The following CNTN5 variants were observed in gnomAD, a reference collection of about 807,000 sequenced individuals.
The protein encoded by CNTN5 is contactin-5.
In CNTN5, 77 loss-of-function variants were observed where a neutral mutation model predicts 129.1. The observed-to-expected ratio is 0.60, with a 90% CI of 0.50 to 0.72. CNTN5 has a LOEUF of 0.72. Among genes scored for constraint, CNTN5 ranks in the 30% least tolerant of loss-of-function variants. The pLI is 0.00. For synonymous variants in CNTN5, 509 were observed against 465.6 expected, an observed-to-expected ratio of 1.09 and a Z score of -1.20; for missense variants, 1,478 against 1,328.8, an observed-to-expected ratio of 1.11 and a Z score of -1.75.
At chr11:100,333,421 A>AAC (rs1484516414) in intron 21 of CNTN5, among the ~76,000 whole-genome samples, 5 of 150,352 alleles carry the variant, frequency 3.3e-5, no homozygotes, top group Non-Finnish European at 5.9e-5. Flanking sequence ...AAAAAAAAAA[A>AAC]AAAAAAAAAA....
intron 15 of CNTN5, among the ~76,000 whole-genome samples, chr11:100,197,632 A>G (rs1420518582): frequency 1.3e-5 from 2 of 152,002 alleles, no homozygotes; most frequent in Non-Finnish European, 2.9e-5. Context: ...CCAGAGCCAC[A>G]GTCTTAATGG....
intron 3 of CNTN5, among the ~76,000 whole-genome samples, chr11:99,620,516 TTTTTTTC>T (rs1450360397): frequency 3.6e-5 from 5 of 137,836 alleles, no homozygotes; most frequent in Middle Eastern, 3.7e-3. Flanking sequence ...TTCTTTTTTT[TTTTTTTC>T]TTTTTGCTCT....
intron 2 of CNTN5, among the ~76,000 whole-genome samples, chr11:99,339,366 CG>C (rs1866403675): frequency 6.6e-6 from 1 of 151,888 alleles, no homozygotes; most frequent in African/African-American, 2.4e-5. Flanking sequence ...TTTTTGCTTT[CG>C]TTTTTCTGGG....
chr11:99,527,735 A>T (rs1361585271), intron 2 of CNTN5, among the ~76,000 whole-genome samples: 1 of 152,226 alleles, frequency 6.6e-6, no homozygotes, highest in African/African-American at 2.4e-5. Flanking sequence ...TCACTAACAG[A>T]ATGACAGTAC....
At chr11:99,285,739 T>C (rs1447159662) in intron 1 of CNTN5, among the ~76,000 whole-genome samples, 1 of 151,814 alleles carries the variant, frequency 6.6e-6, no homozygotes, top group Non-Finnish European at 1.5e-5. Flanking sequence ...GAAAAATGCA[T>C]ATGAAAAGCA....
rs1181109925 is a variant in CNTN5 at position 99,916,009 on chromosome 11, A to G, written c.578-45A>G. 4 of 1,421,494 alleles carry G rather than the reference A, an allele frequency of 2.8e-6. No homozygotes were observed. In the Admixed American group the frequency reaches 5.5e-5, roughly 20 times the overall value. The allele number at this position is 1,421,494 out of a possible 1,614,324, so 88.1% of individuals were successfully genotyped here. ...CAAGTTACAATCATAGCAATTCTTT[A>G]CATTCTTTTCTGCCTTGGATCTAAA... is the stretch of plus-strand genomic sequence containing the variant. On this transcript the variant is annotated intron_variant, in intron 6 of 24. Transcript: ENST00000524871.
chr11:99,449,352 G>A (rs1944205446), intron 2 of CNTN5, among the ~76,000 whole-genome samples: 2 of 152,090 alleles, frequency 1.3e-5, no homozygotes, highest in African/African-American at 4.8e-5. Flanking sequence ...ATCTTCCTCT[G>A]CAATCTGTTT....
At chr11:100,139,006 T>C (rs999059096) in intron 13 of CNTN5, among the ~76,000 whole-genome samples, 6 of 152,130 alleles carry the variant, frequency 3.9e-5, no homozygotes, top group Non-Finnish European at 7.4e-5. Context: ...GAATGCAAGA[T>C]GATTCTAGAA....
intron 1 of CNTN5, among the ~76,000 whole-genome samples, chr11:99,244,164 T>C (rs1174145580): frequency 6.6e-6 from 1 of 152,168 alleles, no homozygotes; most frequent in Non-Finnish European, 1.5e-5. Flanking sequence ...ATAGTACTCG[T>C]CGTAGAGATC....
intron 2 of CNTN5, among the ~76,000 whole-genome samples, chr11:99,428,513 T>C (rs894323993): frequency 2.0e-5 from 3 of 149,574 alleles, no homozygotes; most frequent in Non-Finnish European, 3.0e-5. Flanking sequence ...TGAGCCAAGA[T>C]TGTGTCACTC....
intron 3 of CNTN5, among the ~76,000 whole-genome samples, chr11:99,724,382 C>G (rs531635835): frequency 6.6e-6 from 1 of 152,154 alleles, no homozygotes; most frequent in Admixed American, 6.6e-5. Context: ...CCTGGCAGAT[C>G]ATCAGCTCCT....
intron 3 of CNTN5, among the ~76,000 whole-genome samples, chr11:99,812,191 T>C (rs1048933575): frequency 6.6e-6 from 1 of 151,970 alleles, no homozygotes; most frequent in Admixed American, 6.6e-5. Flanking sequence ...ACTTGTGGAG[T>C]TTTCTGTAGA....
At chr11:99,980,983 TC>T (rs946241029) in intron 8 of CNTN5, among the ~76,000 whole-genome samples, 5 of 150,660 alleles carry the variant, frequency 3.3e-5, no homozygotes, top group African/African-American at 1.2e-4. Context: ...TAACTTTTTT[TC>T]ATATACACAT....
At chr11:99,526,081 C>CT (rs1329643526) in intron 2 of CNTN5, among the ~76,000 whole-genome samples, 6 of 152,162 alleles carry the variant, frequency 3.9e-5, no homozygotes, top group African/African-American at 9.7e-5. Flanking sequence ...AAAACAGATA[C>CT]TTTCAGCTCC....
intron 6 of CNTN5, among the ~76,000 whole-genome samples, chr11:99,850,332 A>G (rs967023450): frequency 2.0e-5 from 3 of 152,196 alleles, no homozygotes; most frequent in Admixed American, 6.5e-5. Context: ...AACTGCAGCT[A>G]TTGTCAAAAG....
chr11:100,149,938 G>A (rs1947000081), intron 13 of CNTN5, among the ~76,000 whole-genome samples: 1 of 151,554 alleles, frequency 6.6e-6, no homozygotes, highest in Admixed American at 6.6e-5. Context: ...ATCTCATGGG[G>A]TAGAGCTCTT....
chr11:99,380,392 AAAC>A (rs1480447485), intron 2 of CNTN5, among the ~76,000 whole-genome samples: 1 of 152,202 alleles, frequency 6.6e-6, no homozygotes, highest in Non-Finnish European at 1.5e-5. Context: ...GTTGTCTATA[AAAC>A]CTTTTTGTAA....
intron 1 of CNTN5, among the ~76,000 whole-genome samples, chr11:99,259,606 T>C (rs1472004598): frequency 1.3e-5 from 2 of 151,788 alleles, no homozygotes; most frequent in African/African-American, 4.8e-5. Context: ...GTAATTTTAT[T>C]TGGATGGGAT....
chr11:100,139,484 T>C (rs1488695452), intron 13 of CNTN5, among the ~76,000 whole-genome samples: 5 of 152,150 alleles, frequency 3.3e-5, no homozygotes, highest in Non-Finnish European at 2.9e-5. Flanking sequence ...CATAGCATTT[T>C]AGTAACATAG....
Sources: allele counts gnomAD v4.1 joint callset (sites outside exome capture counted in the v4.1 genomes callset), GRCh38; gene constraint gnomAD v4.1.1; transcripts MANE v1.5; gene names NCBI Gene and HGNC (gene_info 2026-07-23, HGNC 2026-07-21).